Variants in TM9SF2 observed in about 807,000 individuals in gnomAD.
TM9SF2 encodes 76 kDa membrane protein.
A neutral mutation model predicts 84.9 loss-of-function variants in TM9SF2; 13 were observed. The ratio of observed to expected loss-of-function variants is 0.15; its 90% CI spans 0.10 to 0.24. TM9SF2 has a LOEUF of 0.24. Ranked by LOEUF, TM9SF2 falls within the 10% of genes least tolerant of loss-of-function variation. The pLI is 1.00. For synonymous variants in TM9SF2, 273 were observed against 285.8 expected (o/e 0.96, Z 0.45); for missense variants, 562 against 818.5 (o/e 0.69, Z 3.82).
rs144397186 is a variant in TM9SF2 at position 99,505,175 on chromosome 13, G to A, written c.171+3398G>A. ...GACTTTTTTTTTTTTTTTTTGAGACGGAGTTTTGCTCTTATCACCCAGGCC... is the reference window on the plus strand; with the variant it reads ...GACTTTTTTTTTTTTTTTTTGAGACAGAGTTTTGCTCTTATCACCCAGGCC... On this transcript the variant is annotated intron_variant, in intron 1 of 16. Coordinates refer to ENST00000376387, the MANE Select transcript of TM9SF2 (RefSeq NM_004800.3). Among the ~76,000 whole-genome samples the A allele has an allele frequency of 9.0e-3, 1,201 of 132,894 alleles. 11 individuals are homozygous for A. Among genetic ancestry groups the A allele is most frequent in the Middle Eastern group, 0.043 (10 of 234 alleles). 87.2% of individuals were successfully genotyped at this position (132,894 alleles called of 152,430 possible).
At chr13:99,530,429 TAAAA>T (rs1033223977) in intron 4 of TM9SF2, among the ~76,000 whole-genome samples, 15 of 146,114 alleles carry the variant, frequency 1.0e-4, no homozygotes, top group African/African-American at 3.8e-4. Flanking sequence ...GTCTCAAAAA[TAAAA>T]AAAAAAGAAA....
intron 4 of TM9SF2, among the ~76,000 whole-genome samples, chr13:99,535,352 T>G (rs1330130695): frequency 6.6e-6 from 1 of 152,218 alleles, no homozygotes; most frequent in Non-Finnish European, 1.5e-5. Flanking sequence ...TGTAGTACTT[T>G]CCCTCCAGTA....
chr13:99,524,195 G>T (rs1169744662), intron 3 of TM9SF2, among the ~76,000 whole-genome samples: 4 of 152,168 alleles, frequency 2.6e-5, no homozygotes, highest in African/African-American at 9.7e-5. Flanking sequence ...GGTCACCCTG[G>T]CTGCTGTACT....
chr13:99,538,322 A>G (rs1208614815), intron 6 of TM9SF2, among the ~76,000 whole-genome samples: 1 of 151,968 alleles, frequency 6.6e-6, no homozygotes, highest in African/African-American at 2.4e-5. Context: ...TCTTCAACTT[A>G]TTATTTTTTA....
chr13:99,539,341 CCTTT>C, intron 6 of TM9SF2, 101 bp from the exon 7 acceptor site: 1 of 714,440 alleles, frequency 1.4e-6, no homozygotes, highest in Non-Finnish European at 2.5e-6. Context: ...AATAATTTCA[CCTTT>C]GTCAGCAGCA....
intron 15 of TM9SF2, among the ~76,000 whole-genome samples, chr13:99,557,664 C>T (rs1391212104): frequency 6.6e-6 from 1 of 152,006 alleles, no homozygotes; most frequent in East Asian, 1.9e-4. Context: ...GCGGGAGGAT[C>T]GCTTGAGCCC....
chr13:99,532,821 T>C (rs560847273), intron 4 of TM9SF2, among the ~76,000 whole-genome samples: 14 of 152,378 alleles, frequency 9.2e-5, no homozygotes, highest in African/African-American at 3.4e-4. Context: ...ATTTACTGAA[T>C]GATTTGTAAT....
intron 1 of TM9SF2, among the ~76,000 whole-genome samples, chr13:99,516,514 A>C (rs2046135309): frequency 6.6e-6 from 1 of 152,180 alleles, no homozygotes; most frequent in Non-Finnish European, 1.5e-5. Flanking sequence ...CAGCTAGTAA[A>C]TTCTGTCATG....
chr13:99,560,669 T>G (rs1431759420), intron 16 of TM9SF2, among the ~76,000 whole-genome samples: 1 of 152,122 alleles, frequency 6.6e-6, no homozygotes, highest in Non-Finnish European at 1.5e-5. Flanking sequence ...TAAATTTTAT[T>G]TATTTTTATT....
chr13:99,559,331 G>A, intron 15 of TM9SF2, 32 bp from the exon 16 acceptor site: 2 of 1,536,844 alleles, frequency 1.3e-6, no homozygotes, highest in African/African-American at 1.4e-5. Flanking sequence ...TAATTGGAAT[G>A]TAATTCTTGT....
At position 99,501,730 on chromosome 13, in the gene TM9SF2, G is replaced by A; in HGVS notation, c.124G>A (p.Ala42Thr). ...RSGAFYLPGL[A>T]PVNFCDEEKK... ...CGGCGCTTTCTACCTGCCCGGCCTG[G>A]CGCCCGTCAACTTCTGCGACGAAGA... The change falls in exon 1 of 17, where the codon GCG becomes ACG. Residue 42 changes from alanine (A) to threonine (T), a missense_variant. Ala to Thr is a moderately conservative substitution (Grantham distance 58). Around this residue, in one of 4 missense-constraint regions of TM9SF2, gnomAD observed 267 missense variants for 316.7 expected, o/e 0.84. Coordinates refer to ENST00000376387, the MANE Select transcript of TM9SF2 (RefSeq NM_004800.3). 6.2e-7 allele frequency: 1 copy of A among 1,612,144 alleles called. No individual in the cohort carries two copies. Among genetic ancestry groups the A allele is most frequent in the Non-Finnish European group, 8.5e-7 (1 of 1,179,634 alleles).
intron 6 of TM9SF2, among the ~76,000 whole-genome samples, chr13:99,538,809 G>A (rs943973362): frequency 6.6e-6 from 1 of 151,872 alleles, no homozygotes; most frequent in Admixed American, 6.6e-5. Context: ...TGAAGTGGGA[G>A]GATCACTTGA....
chr13:99,540,648 T>A, intron 7 of TM9SF2, 66 bp from the exon 8 acceptor site: 2 of 1,179,372 alleles, frequency 1.7e-6, no homozygotes, highest in Non-Finnish European at 2.4e-6. Context: ...TTGAATGGGA[T>A]TTTTTTTTGT....
intron 3 of TM9SF2, among the ~76,000 whole-genome samples, chr13:99,527,892 A>C (rs2046191089): frequency 1.3e-5 from 2 of 152,208 alleles, no homozygotes; most frequent in African/African-American, 2.4e-5. Context: ...ACTGAAGCTG[A>C]GGCAGGGTTA....
At chr13:99,536,496 T>C (rs1328239169) in intron 4 of TM9SF2, 112 bp from the exon 5 acceptor site, 1 of 1,305,116 alleles carries the variant, frequency 7.7e-7, no homozygotes, top group Non-Finnish European at 1.1e-6. Flanking sequence ...TTTTGTAATC[T>C]TAAGGCATTT....
intron 3 of TM9SF2, among the ~76,000 whole-genome samples, chr13:99,528,251 A>G (rs574834751): frequency 1.2e-4 from 18 of 152,360 alleles, no homozygotes; most frequent in African/African-American, 4.3e-4. Context: ...GCTGAAGAGC[A>G]TGTTCTCCGG....
chr13:99,553,113 C>A (rs1329163163), intron 13 of TM9SF2, among the ~76,000 whole-genome samples: 1 of 152,228 alleles, frequency 6.6e-6, no homozygotes, highest in Non-Finnish European at 1.5e-5. Context: ...CCCACTCCTG[C>A]CCTCAGGCTA....
At chr13:99,510,886 T>C (rs1381023920) in intron 1 of TM9SF2, among the ~76,000 whole-genome samples, 1 of 152,234 alleles carries the variant, frequency 6.6e-6, no homozygotes, top group East Asian at 1.9e-4. Flanking sequence ...GTATAGGACT[T>C]TGTGGGCATT....
chr13:99,562,574 G>A (rs1167388323), intron 16 of TM9SF2, 117 bp from the exon 17 acceptor site: 5 of 841,408 alleles, frequency 5.9e-6, no homozygotes, highest in Non-Finnish European at 9.3e-6. Context: ...TTCCCGGTGG[G>A]TAATAGTTTA....
Sources: allele counts gnomAD v4.1 joint callset (sites outside exome capture counted in the v4.1 genomes callset), GRCh38; gene constraint gnomAD v4.1.1; regional missense constraint gnomAD v4.1.1; transcripts MANE v1.5; gene names NCBI Gene and HGNC (gene_info 2026-07-23, HGNC 2026-07-21).